The following CHD6 variants were observed in gnomAD, a reference collection of about 807,000 sequenced individuals.
CHD6 encodes ATP-dependent chromatin remodeler CHD6.
In CHD6, 50 loss-of-function variants were observed where a neutral mutation model predicts 276.9. The ratio of observed to expected loss-of-function variants is 0.18; its 90% CI spans 0.14 to 0.23. CHD6 has a LOEUF of 0.23. Ranked by LOEUF, CHD6 falls within the 10% of genes least tolerant of loss-of-function variation. CHD6 has a pLI of 1.00. For synonymous variants in CHD6, 1,173 were observed against 1,229.3 expected (o/e 0.95, Z 0.96); for missense variants, 2,564 against 3,365.8 (o/e 0.76, Z 5.89).
intron 2 of CHD6, among the ~76,000 whole-genome samples, chr20:41,541,164 C>T (rs1284133624): frequency 6.6e-6 from 1 of 152,052 alleles, no homozygotes; most frequent in Non-Finnish European, 1.5e-5. Context: ...AATGTCTGTC[C>T]GATTGTGCAT....
At chr20:41,479,205 C>G (rs1420092658) in intron 16 of CHD6, among the ~76,000 whole-genome samples, 1 of 151,794 alleles carries the variant, frequency 6.6e-6, no homozygotes, top group Non-Finnish European at 1.5e-5. Context: ...ATCTCAAGGT[C>G]AAATAAACAG....
chr20:41,530,103 A>T (rs1171235469), intron 3 of CHD6, among the ~76,000 whole-genome samples: 1 of 152,216 alleles, frequency 6.6e-6, no homozygotes, highest in Non-Finnish European at 1.5e-5. Context: ...CTGGCAGATA[A>T]ACTCAAGTGA....
chr20:41,585,144 T>A (rs1340232636), intron 1 of CHD6, among the ~76,000 whole-genome samples: 1 of 152,172 alleles, frequency 6.6e-6, no homozygotes, highest in Non-Finnish European at 1.5e-5. Flanking sequence ...AATTTCTGTA[T>A]ATAAATTTGA....
At position 41,421,547 on chromosome 20, in the gene CHD6, T is replaced by G. The variant is rs1347025120; in HGVS notation, c.5088A>C (p.Glu1696Asp). The change falls in exon 31 of 37, where the codon GAA becomes GAC. Residue 1696 changes from glutamate (E) to aspartate (D), a missense_variant. By Grantham distance (45) the Glu-to-Asp change is conservative. Around this residue, in one of 7 missense-constraint regions of CHD6, gnomAD observed 1,024 missense variants for 1,047.9 expected, o/e 0.98. Transcript: ENST00000373233. ...TCTCTAAGGACTCAGGCAGCAGACT[T>G]TCATCATGGTTGATGGAAATGACAT... Reference protein sequence around the residue: ...VQDVISINHDESLLPESLESM... With the variant: ...VQDVISINHDDSLLPESLESM... 1 of 1,612,672 alleles carries G rather than the reference T, an allele frequency of 6.2e-7. No individual in the cohort carries two copies. The highest frequency in any genetic ancestry group is 1.1e-5 in the South Asian group (1 of 90,668).
Position 41,405,259 on chromosome 20 carries a change from C to T in CHD6, c.7482G>A (p.Gly2494=). ...MRNMPGIPLT[G]LVGFPAGFAT... ...CAAAGCCAGCTGGAAACCCCACCAG[C>T]CCGGTGAGGGGGATGCCTGGCATAT... is the stretch of plus-strand genomic sequence containing the variant. The change falls in exon 37 of 37, where the codon GGG becomes GGA. Residue 2494 remains glycine (G), a synonymous_variant. Coordinates refer to ENST00000373233, the MANE Select transcript of CHD6 (RefSeq NM_032221.5). The T allele has an allele frequency of 1.9e-6, 3 of 1,614,182 alleles. No homozygotes were observed. Among genetic ancestry groups the T allele is most frequent in the South Asian group, 1.1e-5 (1 of 91,080 alleles).
At chr20:41,532,151 AT>A (rs1356148765) in intron 3 of CHD6, among the ~76,000 whole-genome samples, 1 of 152,176 alleles carries the variant, frequency 6.6e-6, no homozygotes, top group Non-Finnish European at 1.5e-5. Context: ...CAAGGAATGC[AT>A]TTGCTGTCTT....
chr20:41,420,479 A>G (rs780300662), intron 31 of CHD6, 29 bp downstream of exon 31: 33 of 1,569,898 alleles, frequency 2.1e-5, no homozygotes, highest in Non-Finnish European at 2.6e-5. Context: ...TAGTTTATCC[A>G]AAATGCCACA....
rs547246731 is a variant in CHD6 at position 41,615,764 on chromosome 20, C to A, written c.-24+2576G>T. ...TCATTTAGTAATTACCAATTAAAGT[C>A]TTTCCATGAAAAACATAGGCACCTA... is the stretch of plus-strand genomic sequence containing the variant. On this transcript the variant is annotated intron_variant, in intron 1 of 36. Transcript: ENST00000373233. Among the ~76,000 whole-genome samples, 219 of 152,312 alleles carry A rather than the reference C, an allele frequency of 1.4e-3. 1 individual carries two copies. The highest frequency in any genetic ancestry group is 5.7e-4 in the Non-Finnish European group (39 of 68,038).
intron 1 of CHD6, among the ~76,000 whole-genome samples, chr20:41,585,549 C>T (rs1315209131): frequency 2.0e-5 from 3 of 147,102 alleles, no homozygotes; most frequent in Admixed American, 1.4e-4. Flanking sequence ...AGAATTTGAA[C>T]AGTCCTTTAC....
intron 1 of CHD6, among the ~76,000 whole-genome samples, chr20:41,557,503 A>G (rs185993136): frequency 1.3e-4 from 20 of 152,196 alleles, no homozygotes; most frequent in African/African-American, 4.8e-4. Context: ...GTTGTGTAAT[A>G]GTAACTTTTA....
At chr20:41,496,624 G>GA (rs1439135651) in intron 8 of CHD6, among the ~76,000 whole-genome samples, 2 of 152,180 alleles carry the variant, frequency 1.3e-5, no homozygotes, top group Non-Finnish European at 2.9e-5. Flanking sequence ...AGGCAGTGTT[G>GA]AACTACTCGT....
In CHD6 at chr20:41,404,532, A is replaced by C; in HGVS notation, c.*61T>G. 6.9e-7 allele frequency: 1 copy of C among 1,449,704 alleles called. No individual in the cohort carries two copies. Among genetic ancestry groups the C allele is most frequent in the Non-Finnish European group, 9.1e-7 (1 of 1,099,118 alleles). 89.8% of individuals were successfully genotyped at this position (1,449,704 alleles called of 1,614,324 possible). A position where few individuals can be genotyped will look rare whatever the true frequency, so the allele number is the denominator to read the frequency against. On this transcript the variant is annotated 3_prime_UTR_variant, in exon 37 of 37. Transcript: ENST00000373233. ...CTTATGGAGGTGAAGTGAGGGAAGTAACAAACCTTTATGGGATAAGAAACT... is the reference window on the plus strand; with the variant it reads ...CTTATGGAGGTGAAGTGAGGGAAGTCACAAACCTTTATGGGATAAGAAACT...
At chr20:41,485,864 TA>T (rs2043400889) in intron 14 of CHD6, 2 of 152,316 alleles carry the variant, frequency 1.3e-5, no homozygotes, top group Admixed American at 1.3e-4. Flanking sequence ...AAGCATGTGC[TA>T]ATTAGCTCTA....
chr20:41,497,420 C>T lies in CHD6; in HGVS notation c.1056G>A (p.Arg352=), dbSNP rs773422362. 8.1e-6 allele frequency: 13 copies of T among 1,613,796 alleles called. No homozygotes were observed. The highest frequency in any genetic ancestry group is 1.1e-5 in the Non-Finnish European group (13 of 1,179,764). The change falls in exon 8 of 37, where the codon AGG becomes AGA. Residue 352 remains arginine (R), a synonymous_variant. Transcript: ENST00000373233. ...TGTGCTTCATCTGGGCTTGTTTATT[C>T]CTAAATCGCTTGATCTTCTGTGCGA... ...PRIAQKIKRF[R]NKQAQMKHIF...
intron 5 of CHD6, among the ~76,000 whole-genome samples, chr20:41,510,661 T>C (rs2044096159): frequency 6.6e-6 from 1 of 152,246 alleles, no homozygotes; most frequent in Non-Finnish European, 1.5e-5. Context: ...TTTCTGTTAG[T>C]TAGATCAGCT....
intron 25 of CHD6, among the ~76,000 whole-genome samples, chr20:41,445,456 A>G (rs911803911): frequency 3.3e-5 from 5 of 152,184 alleles, no homozygotes; most frequent in South Asian, 2.1e-4. Context: ...ATGTTCCTCA[A>G]TAATATAAAA....
chr20:41,467,842 G>A lies in CHD6; in HGVS notation c.2664+5480C>T, dbSNP rs539705375. Among the ~76,000 whole-genome samples, 49 of 151,872 alleles carry A rather than the reference G, an allele frequency of 3.2e-4. No individual in the cohort carries two copies. In the South Asian group the frequency reaches 1.0e-2, roughly 31 times the overall value. ...AAAAAAAAGAGGACATTGACAAGGAGAGGCAGCGGCGTACTCAAAAGGAAC... is the reference window on the plus strand; with the variant it reads ...AAAAAAAAGAGGACATTGACAAGGAAAGGCAGCGGCGTACTCAAAAGGAAC... On this transcript the variant is annotated intron_variant, in intron 17 of 36. Transcript: ENST00000373233.
At chr20:41,449,062 C>T (rs1166357308) in intron 23 of CHD6, among the ~76,000 whole-genome samples, 2 of 152,024 alleles carry the variant, frequency 1.3e-5, no homozygotes, top group Admixed American at 6.5e-5. Flanking sequence ...CCACCACATT[C>T]GGCTAATTTT....
intron 17 of CHD6, among the ~76,000 whole-genome samples, chr20:41,461,265 A>G (rs2048539086): frequency 6.6e-6 from 1 of 152,184 alleles, no homozygotes; most frequent in Non-Finnish European, 1.5e-5. Context: ...TTAATGCTGA[A>G]TGAGTTAAGA....
Sources: allele counts gnomAD v4.1 joint callset (sites outside exome capture counted in the v4.1 genomes callset), GRCh38; gene constraint gnomAD v4.1.1; regional missense constraint gnomAD v4.1.1; transcripts MANE v1.5; gene names NCBI Gene and HGNC (gene_info 2026-07-23, HGNC 2026-07-21).